The following SCARA3 variants were observed in gnomAD, a reference collection of about 807,000 sequenced individuals.
The protein encoded by SCARA3 is cellular stress response gene protein.
A neutral mutation model predicts 47.0 loss-of-function variants in SCARA3; 39 were observed. The ratio of observed to expected loss-of-function variants is 0.83; its 90% CI spans 0.64 to 1.08. The LOEUF (loss-of-function observed/expected upper bound fraction) is 1.08, where lower values mean the gene tolerates loss of function less well. SCARA3 is among the 50% of genes least tolerant of loss of function. The probability of loss-of-function intolerance (pLI) is 0.00; values close to 1 mark genes in which losing one functional copy is unlikely to be tolerated. For synonymous variants in SCARA3, 356 were observed against 334.1 expected, an observed-to-expected ratio of 1.07 and a Z score of -0.71; for missense variants, 724 against 792.3, an observed-to-expected ratio of 0.91 and a Z score of 1.04.
chr8:27,643,235 G>A (rs1054075102), intron 1 of SCARA3, among the ~76,000 whole-genome samples: 4 of 152,194 alleles, frequency 2.6e-5, no homozygotes, highest in African/African-American at 9.7e-5. Flanking sequence ...TTAGGATAAA[G>A]CAGGGATTTA....
the SCARA3 span, among the ~76,000 whole-genome samples, chr8:27,683,110 A>G: frequency 6.6e-6 from 1 of 152,188 alleles, no homozygotes; most frequent in Non-Finnish European, 1.5e-5. Context: ...AAAAGGAATA[A>G]GTAACATTAG....
chr8:27,691,684 C>A, the SCARA3 span, among the ~76,000 whole-genome samples: 2 of 152,102 alleles, frequency 1.3e-5, no homozygotes, highest in East Asian at 3.9e-4. Context: ...ATCCTCAATC[C>A]CTTTTTCTCC....
chr8:27,717,558 G>T, the SCARA3 span, among the ~76,000 whole-genome samples: 1 of 152,212 alleles, frequency 6.6e-6, no homozygotes. Context: ...GCTGCAGCGG[G>T]CAGATTACTT....
intron 1 of SCARA3, among the ~76,000 whole-genome samples, chr8:27,639,671 GAGA>G (rs1801341222): frequency 6.6e-6 from 1 of 152,218 alleles, no homozygotes; most frequent in Non-Finnish European, 1.5e-5. Flanking sequence ...CTTGCCCCTG[GAGA>G]TATTCTCTCG....
downstream of SCARA3, among the ~76,000 whole-genome samples, chr8:27,680,584 C>T (rs1289307881): frequency 6.6e-6 from 1 of 152,002 alleles, no homozygotes; most frequent in Non-Finnish European, 1.5e-5. Context: ...ACTCCAAGTC[C>T]AGTTGGTTTT....
the SCARA3 span, among the ~76,000 whole-genome samples, chr8:27,718,312 G>T: frequency 6.6e-6 from 1 of 152,258 alleles, no homozygotes; most frequent in Non-Finnish European, 1.5e-5. Context: ...TTTGAGGAAA[G>T]TTATTAACTG....
the SCARA3 span, among the ~76,000 whole-genome samples, chr8:27,698,719 C>CA: frequency 6.6e-6 from 1 of 151,348 alleles, no homozygotes; most frequent in Non-Finnish European, 1.5e-5. Context: ...ATACTAGGAG[C>CA]AAAAAATAAG....
At chr8:27,675,332 TG>T (rs1354248705), downstream of SCARA3, among the ~76,000 whole-genome samples, 1 of 152,126 alleles carries the variant, frequency 6.6e-6, no homozygotes, top group Admixed American at 6.6e-5. Context: ...AACTTTCCAG[TG>T]GGGCTGGGCT....
chr8:27,731,602 A>T, the SCARA3 span, among the ~76,000 whole-genome samples: 1 of 137,128 alleles, frequency 7.3e-6, no homozygotes, highest in Non-Finnish European at 1.5e-5. Context: ...AGATCTTGCC[A>T]TTGCACTCCA....
the SCARA3 span, among the ~76,000 whole-genome samples, chr8:27,714,034 G>A: frequency 8.6e-5 from 13 of 151,946 alleles, no homozygotes; most frequent in African/African-American, 2.7e-4. Flanking sequence ...CTTTTACCAC[G>A]TGATGTACCT....
chr8:27,651,520 C>T lies in SCARA3; in HGVS notation c.119C>T (p.Pro40Leu). The stretch of plus-strand genomic sequence containing the variant: ...GTGTCCCCCACAGGCCGGCCAGGGC[C>T]CCGCTGCAGCCGCTGCCAGAAGAAC... ...FPCTQKGRPG[P>L]RCSRCQKNLS... The change falls in exon 3 of 6, where the codon CCC (proline) becomes CTC (leucine). Residue 40 changes from proline (P) to leucine (L), a missense_variant. Physicochemically the swap from Pro to Leu is moderately conservative, Grantham distance 98. Coordinates refer to ENST00000301904, the MANE Select transcript of SCARA3 (RefSeq NM_016240.3). The T allele has an allele frequency of 6.2e-7, 1 of 1,612,724 alleles. No homozygotes were observed. Among genetic ancestry groups the T allele is most frequent in the Non-Finnish European group, 8.5e-7 (1 of 1,179,996 alleles).
At position 27,671,475 on chromosome 8, in the gene SCARA3, G is replaced by A. The variant is rs902916841; in HGVS notation, c.*124G>A. 2 of 1,312,400 alleles carry A rather than the reference G, an allele frequency of 1.5e-6. No homozygotes were observed. Among genetic ancestry groups the A allele is most frequent in the African/African-American group, 3.1e-5 (2 of 65,172 alleles). 81.3% of individuals were successfully genotyped at this position (1,312,400 alleles called of 1,614,324 possible). A position where few individuals can be genotyped will look rare whatever the true frequency, so the allele number is the denominator to read the frequency against. ...TGATTCCAATGAGGGGGCTCCCCAG[G>A]GCTGACCCTGCAGCTTTGGGCTCCC... On this transcript the variant is annotated 3_prime_UTR_variant, in exon 6 of 6. Coordinates refer to ENST00000301904, the MANE Select transcript of SCARA3 (RefSeq NM_016240.3).
chr8:27,668,823 A>G (rs1022052144), intron 5 of SCARA3, among the ~76,000 whole-genome samples: 6 of 152,210 alleles, frequency 3.9e-5, no homozygotes, highest in Admixed American at 2.6e-4. Flanking sequence ...ACAACAGAGG[A>G]AGACCCTGTC....
chr8:27,706,966 T>C, the SCARA3 span, among the ~76,000 whole-genome samples: 1 of 152,144 alleles, frequency 6.6e-6, no homozygotes, highest in Non-Finnish European at 1.5e-5. Context: ...ATCTTCAGAA[T>C]GCTAGCAGTC....
At chr8:27,692,174 T>G in the SCARA3 span, among the ~76,000 whole-genome samples, 1 of 152,190 alleles carries the variant, frequency 6.6e-6, no homozygotes, top group Non-Finnish European at 1.5e-5. Flanking sequence ...GTCTCACACC[T>G]GTAATCCCAG....
intron 1 of SCARA3, 30 bp downstream of exon 1, chr8:27,634,237 AG>A (rs1028165904): frequency 5.2e-6 from 7 of 1,338,742 alleles, no homozygotes; most frequent in South Asian, 4.4e-5. Context: ...GGCAGCTCCG[AG>A]GGGGGCCGCC....
chr8:27,700,612 T>A, the SCARA3 span, among the ~76,000 whole-genome samples: 197 of 146,494 alleles, frequency 1.3e-3, no homozygotes, highest in East Asian at 1.8e-3. Flanking sequence ...ACCTCAAAAA[T>A]AAAAAAAAAA....
chr8:27,645,993 CAA>C (rs1388512793), intron 1 of SCARA3, among the ~76,000 whole-genome samples: 4 of 152,198 alleles, frequency 2.6e-5, no homozygotes, highest in Non-Finnish European at 5.9e-5. Context: ...AAGAGCCTCA[CAA>C]ATGCTTTGGA....
At chr8:27,665,726 C>T (rs1018431259) in intron 5 of SCARA3, among the ~76,000 whole-genome samples, 4 of 152,206 alleles carry the variant, frequency 2.6e-5, no homozygotes, top group African/African-American at 9.7e-5. Flanking sequence ...CCTTTCCTGC[C>T]TGTATCCCAT....
Sources: allele counts gnomAD v4.1 joint callset (sites outside exome capture counted in the v4.1 genomes callset), GRCh38; gene constraint gnomAD v4.1.1; transcripts MANE v1.5; gene names NCBI Gene and HGNC (gene_info 2026-07-23, HGNC 2026-07-21).